The following NSMCE2 variants were observed in gnomAD, a reference collection of about 807,000 sequenced individuals.
NSMCE2 encodes E3 SUMO-protein ligase NSE2.
In NSMCE2, 24 loss-of-function variants were observed where a neutral mutation model predicts 23.8. The ratio of observed to expected loss-of-function variants is 1.01; its 90% CI spans 0.73 to 1.42. NSMCE2 has a LOEUF of 1.42. Ranked by LOEUF, NSMCE2 falls within the 40% of genes most tolerant of loss-of-function variation. NSMCE2 has a pLI of 0.00. For missense variants in NSMCE2, 284 were observed against 296.5 expected, an observed-to-expected ratio of 0.96 and a Z score of 0.31; for synonymous variants, 92 against 94.1, an observed-to-expected ratio of 0.98 and a Z score of 0.13.
chr8:125,295,884 A>G (rs541575138), intron 5 of NSMCE2, among the ~76,000 whole-genome samples: 1 of 152,346 alleles, frequency 6.6e-6, no homozygotes, highest in Non-Finnish European at 1.5e-5. Flanking sequence ...ACTGAAGCAT[A>G]TCATGACCCA....
chr8:125,148,320 A>G lies in NSMCE2; in HGVS notation c.158-2851A>G, dbSNP rs532699539. Among the ~76,000 whole-genome samples the G allele has an allele frequency of 3.1e-3, 471 of 152,278 alleles. 3 individuals are homozygous for G. Among genetic ancestry groups the G allele is most frequent in the African/African-American group, 0.011 (451 of 41,564 alleles). ...CTCTTTGGCCTTGAACCAGCTTACT[A>G]TCTGGCTCAGGTCTTAGTAGCATAT... On this transcript the variant is annotated intron_variant, in intron 3 of 7. Transcript: ENST00000287437.
chr8:125,094,676 A>T (rs892346166), intron 1 of NSMCE2: 5 of 152,410 alleles, frequency 3.3e-5, no homozygotes, highest in African/African-American at 1.2e-4. Context: ...TGGCTTAAAC[A>T]ACAGAAATTT....
intron 5 of NSMCE2, among the ~76,000 whole-genome samples, chr8:125,215,011 A>G (rs1283144506): frequency 1.5e-5 from 2 of 132,212 alleles, no homozygotes; most frequent in Admixed American, 7.1e-5. Flanking sequence ...TTTGGTAACC[A>G]CTTTATTTTA....
At chr8:125,143,118 A>G (rs559781300) in intron 3 of NSMCE2, among the ~76,000 whole-genome samples, 14 of 152,174 alleles carry the variant, frequency 9.2e-5, no homozygotes, top group African/African-American at 3.4e-4. Flanking sequence ...ACACACACAC[A>G]CACAGAGGTA....
Position 125,343,540 on chromosome 8 carries a change from G to A in NSMCE2, c.419-13679G>A, listed in dbSNP as rs920948877. On this transcript the variant is annotated intron_variant, in intron 5 of 7. Transcript: ENST00000287437. ...TATAGTCCCAGCTACTCGGGGAGCTGAGGTAGGAGGATTGCTTGAGCCCAG... is the reference window on the plus strand; with the variant it reads ...TATAGTCCCAGCTACTCGGGGAGCTAAGGTAGGAGGATTGCTTGAGCCCAG... 5.3e-5 allele frequency among the ~76,000 whole-genome samples: 8 copies of A among 152,152 alleles called. No individual in the cohort carries two copies. In the East Asian group the frequency reaches 1.2e-3, roughly 22 times the overall value.
chr8:125,157,959 G>A (rs1404559741), intron 4 of NSMCE2, among the ~76,000 whole-genome samples: 1 of 152,166 alleles, frequency 6.6e-6, no homozygotes, highest in Non-Finnish European at 1.5e-5. Context: ...TTTCCTTAAA[G>A]ACTCCAAAGC....
chr8:125,103,396 A>G (rs187493163), intron 3 of NSMCE2, among the ~76,000 whole-genome samples: 1 of 151,004 alleles, frequency 6.6e-6, no homozygotes, highest in African/African-American at 2.4e-5. Flanking sequence ...GAGCAGCATG[A>G]TCCTTTTGTT....
At chr8:125,239,082 A>G (rs893667184) in intron 5 of NSMCE2, among the ~76,000 whole-genome samples, 1 of 152,164 alleles carries the variant, frequency 6.6e-6, no homozygotes, top group African/African-American at 2.4e-5. Flanking sequence ...TTTGATGTTA[A>G]TGAGGAAGAG....
chr8:125,352,235 C>T (rs969814773), intron 5 of NSMCE2, among the ~76,000 whole-genome samples: 1 of 152,080 alleles, frequency 6.6e-6, no homozygotes. Flanking sequence ...AATCCCAGCA[C>T]TTTGGGAGGC....
intron 3 of NSMCE2, among the ~76,000 whole-genome samples, chr8:125,107,188 CTTT>C (rs71295817): frequency 8.3e-6 from 1 of 120,026 alleles, no homozygotes; most frequent in Non-Finnish European, 1.7e-5. Flanking sequence ...CAAGGACATT[CTTT>C]TTTTTTTTTT....
chr8:125,127,644 A>G (rs1819578052), intron 3 of NSMCE2, among the ~76,000 whole-genome samples: 1 of 152,112 alleles, frequency 6.6e-6, no homozygotes. Flanking sequence ...TTTGTTGAGC[A>G]TTACCCTGTA....
intron 5 of NSMCE2, among the ~76,000 whole-genome samples, chr8:125,316,363 T>G (rs1829177123): frequency 6.6e-6 from 1 of 152,212 alleles, no homozygotes; most frequent in Non-Finnish European, 1.5e-5. Flanking sequence ...AAAATAGAAC[T>G]TCCAGAAAAC....
At chr8:125,334,917 G>A (rs927265777) in intron 5 of NSMCE2, among the ~76,000 whole-genome samples, 9 of 150,548 alleles carry the variant, frequency 6.0e-5, no homozygotes, top group Admixed American at 4.0e-4. Context: ...CACCACACCC[G>A]GCTAATCTTT....
chr8:125,343,202 G>T (rs370371468), intron 5 of NSMCE2, among the ~76,000 whole-genome samples: 11 of 152,168 alleles, frequency 7.2e-5, no homozygotes, highest in African/African-American at 2.7e-4. Context: ...ACATACTCCA[G>T]TCATTACAAT....
chr8:125,205,613 T>C (rs1186472907), intron 5 of NSMCE2, among the ~76,000 whole-genome samples: 1 of 152,184 alleles, frequency 6.6e-6, no homozygotes, highest in Non-Finnish European at 1.5e-5. Context: ...AGTATCTTAC[T>C]CCATTTTCAG....
At chr8:125,360,839 T>G (rs969885056) in intron 7 of NSMCE2, among the ~76,000 whole-genome samples, 3 of 152,200 alleles carry the variant, frequency 2.0e-5, no homozygotes, top group Non-Finnish European at 2.9e-5. Context: ...CTAGTTATGT[T>G]TGTTTTTTTA....
rs1174381155 is a variant in NSMCE2, at chr8:125,095,882, C to CA, written c.-111+3943dup. ...GAGGGACAAGAGCAAAACTCCATCT[C>CA]AAAAAAAAAAAAAAAAAAAGAAAAG... On this transcript the variant is annotated intron_variant, in intron 1 of 7. Coordinates refer to ENST00000287437, the MANE Select transcript of NSMCE2 (RefSeq NM_173685.4). Among the ~76,000 whole-genome samples the CA allele has an allele frequency of 0.021, 1,361 of 65,168 alleles. 38 individuals are homozygous for CA. In the East Asian group the frequency reaches 0.22, roughly 10 times the overall value. 42.8% of individuals were successfully genotyped at this position (65,168 alleles called of 152,430 possible). A position where few individuals can be genotyped will look rare whatever the true frequency, so the allele number is the denominator to read the frequency against.
chr8:125,189,100 A>G (rs1421484140), intron 5 of NSMCE2, among the ~76,000 whole-genome samples: 1 of 152,242 alleles, frequency 6.6e-6, no homozygotes, highest in Non-Finnish European at 1.5e-5. Context: ...CTTTGTCATA[A>G]GGTATAACTG....
intron 3 of NSMCE2, among the ~76,000 whole-genome samples, chr8:125,128,282 G>A (rs1819603481): frequency 6.6e-6 from 1 of 152,146 alleles, no homozygotes; most frequent in Non-Finnish European, 1.5e-5. Flanking sequence ...TATGCCTGGA[G>A]GTGTGCCTAA....
Sources: gnomAD v4.1 joint callset for allele counts (sites outside exome capture counted in the v4.1 genomes callset) on GRCh38, gnomAD v4.1.1 for gene constraint, MANE v1.5 for transcripts, NCBI Gene and HGNC (gene_info 2026-07-23, HGNC 2026-07-21) for gene names.